Variants in DNAJC11 observed in about 807,000 individuals in gnomAD.
DNAJC11 encodes the protein DnaJ heat shock protein family (Hsp40) member C11.
Under a neutral mutation model 78.6 loss-of-function variants are expected in DNAJC11, and 15 were observed. The observed-to-expected ratio is 0.19, with a 90% CI of 0.13 to 0.29. The LOEUF is 0.29. Among genes scored for constraint, DNAJC11 ranks in the 10% least tolerant of loss-of-function variants. The probability of loss-of-function intolerance (pLI) is 1.00; values close to 1 mark genes in which losing one functional copy is unlikely to be tolerated. For synonymous variants in DNAJC11, 292 were observed against 272.1 expected (o/e 1.07, Z -0.72); for missense variants, 547 against 709.6 (o/e 0.77, Z 2.60).
At chr1:6,647,809 G>A (rs754139422) in intron 7 of DNAJC11, among the ~76,000 whole-genome samples, 10 of 152,036 alleles carry the variant, frequency 6.6e-5, no homozygotes, top group South Asian at 2.1e-4. Flanking sequence ...GCAAGACTCC[G>A]TCTCAAACAC....
intron 1 of DNAJC11, among the ~76,000 whole-genome samples, chr1:6,684,459 TTGAC>T (rs1206614679): frequency 4.6e-5 from 7 of 152,248 alleles, no homozygotes; most frequent in Admixed American, 2.0e-4. Context: ...ATTAGACAGA[TTGAC>T]TGACTCTCAG....
rs369080550 is a variant in DNAJC11, at chr1:6,635,760, A to G, written c.1655-60T>C. 4.4e-6 allele frequency: 7 copies of G among 1,597,202 alleles called. No homozygotes were observed. The African/African-American group carries it at 5.4e-5, about 12-fold the overall frequency. On this transcript the variant is annotated intron_variant, in intron 15 of 15. Transcript: ENST00000377577. ...GGTGGCCATTCCCATGCACCTTTCTACTGATGGGGCTCAGCAGTCACCCGG... is the reference window on the plus strand; with the variant it reads ...GGTGGCCATTCCCATGCACCTTTCTGCTGATGGGGCTCAGCAGTCACCCGG...
chr1:6,678,266 G>A (rs1403557532), intron 3 of DNAJC11, 128 bp downstream of exon 3: 3 of 1,011,318 alleles, frequency 3.0e-6, no homozygotes, highest in African/African-American at 1.6e-5. Flanking sequence ...AAAATACAGG[G>A]CAAGGAAGGG....
intron 1 of DNAJC11, among the ~76,000 whole-genome samples, chr1:6,689,774 CAAA>C (rs111794307): frequency 7.9e-6 from 1 of 125,802 alleles, no homozygotes; most frequent in Admixed American, 8.0e-5. Flanking sequence ...GAAACTCCGT[CAAA>C]AAAAAAAAAA....
At chr1:6,690,589 C>T (rs949854403) in intron 1 of DNAJC11, among the ~76,000 whole-genome samples, 2 of 152,186 alleles carry the variant, frequency 1.3e-5, no homozygotes, top group African/African-American at 4.8e-5. Flanking sequence ...TGCTTAAACA[C>T]GCAAGGGGTG....
intron 1 of DNAJC11, among the ~76,000 whole-genome samples, chr1:6,695,029 C>T (rs1283822246): frequency 2.7e-5 from 4 of 150,458 alleles, no homozygotes; most frequent in African/African-American, 9.8e-5. Flanking sequence ...GCCTGTAGTC[C>T]CGGCTACTCG....
At position 6,653,084 on chromosome 1, in the gene DNAJC11, G is replaced by A; in HGVS notation, c.508-133C>T. 1.9e-6 allele frequency: 2 copies of A among 1,028,176 alleles called. No homozygotes were observed. The highest frequency in any genetic ancestry group is 1.4e-6 in the Non-Finnish European group (1 of 697,056). 63.7% of individuals were successfully genotyped at this position (1,028,176 alleles called of 1,614,324 possible). Reference sequence around the variant, plus strand: ...CCTCTGTTCAGAAGCACACATGGATGCAGAACTGCCGCAACAGCTTCACTT... The same window carrying A: ...CCTCTGTTCAGAAGCACACATGGATACAGAACTGCCGCAACAGCTTCACTT... On this transcript the variant is annotated intron_variant, in intron 5 of 15. Coordinates refer to ENST00000377577, the MANE Select transcript of DNAJC11 (RefSeq NM_018198.4). This position sits in a 1 kb window ranked among gnomAD's most constrained non-coding sequence, Gnocchi z 4.5.
At position 6,679,100 on chromosome 1, in the gene DNAJC11, C is replaced by T. The variant is rs554633440; in HGVS notation, c.203-633G>A. On this transcript the variant is annotated intron_variant, in intron 2 of 15. Coordinates refer to ENST00000377577, the MANE Select transcript of DNAJC11 (RefSeq NM_018198.4). ...CTCCTGCATTGGGAAAGGACATGAA[C>T]GTTGTTTTTAAGATAATTTGGTAAA... is the stretch of plus-strand genomic sequence containing the variant. Among the ~76,000 whole-genome samples, 6 of 152,252 alleles carry T rather than the reference C, an allele frequency of 3.9e-5. No homozygotes were observed. In the South Asian group the frequency reaches 8.3e-4, roughly 21 times the overall value.
intron 3 of DNAJC11, among the ~76,000 whole-genome samples, chr1:6,669,829 A>C (rs1642350706): frequency 1.3e-5 from 2 of 152,192 alleles, no homozygotes; most frequent in African/African-American, 4.8e-5. Flanking sequence ...GGGCAGGGGT[A>C]TACGAAAGCA....
At position 6,677,670 on chromosome 1, in the gene DNAJC11, T is replaced by A. The variant is rs1310229348; in HGVS notation, c.276+724A>T. 2.0e-5 allele frequency among the ~76,000 whole-genome samples: 3 copies of A among 152,190 alleles called. No homozygotes were observed. The South Asian group carries it at 6.2e-4, about 31-fold the overall frequency. ...AGGGTTTCACAACTAATCTTCATAT[T>A]CATTTTTCAGATAGTAACATGGAAG... On this transcript the variant is annotated intron_variant, in intron 3 of 15. Coordinates refer to ENST00000377577, the MANE Select transcript of DNAJC11 (RefSeq NM_018198.4).
chr1:6,701,216 G>T (rs1642921171), intron 1 of DNAJC11, among the ~76,000 whole-genome samples: 1 of 152,166 alleles, frequency 6.6e-6, no homozygotes, highest in Non-Finnish European at 1.5e-5. Context: ...TCTGAGGCTG[G>T]ACCCACTTCA....
At chr1:6,644,047 T>G (rs945899282) in intron 10 of DNAJC11, among the ~76,000 whole-genome samples, 4 of 151,936 alleles carry the variant, frequency 2.6e-5, no homozygotes, top group Admixed American at 6.6e-5. Context: ...ATTTTTTGTA[T>G]TTTTAGTAGA....
At chr1:6,641,225 A>C (rs1641870046) in intron 10 of DNAJC11, among the ~76,000 whole-genome samples, 1 of 151,862 alleles carries the variant, frequency 6.6e-6, no homozygotes, top group Non-Finnish European at 1.5e-5. Context: ...GTCTCTACTT[A>C]AAATACAAAA....
At chr1:6,671,193 A>C (rs1369591362) in intron 3 of DNAJC11, among the ~76,000 whole-genome samples, 1 of 152,140 alleles carries the variant, frequency 6.6e-6, no homozygotes, top group African/African-American at 2.4e-5. Context: ...CTGGATAAAG[A>C]GATTTGATTT....
At chr1:6,646,081 A>C in intron 7 of DNAJC11, 103 bp from the exon 8 acceptor site, 5 of 1,197,032 alleles carry the variant, frequency 4.2e-6, no homozygotes, top group Middle Eastern at 2.1e-4. Flanking sequence ...TGTCACGTCT[A>C]TGCATCCCTG....
intron 7 of DNAJC11, among the ~76,000 whole-genome samples, chr1:6,647,018 G>A (rs1641975994): frequency 6.6e-6 from 1 of 150,564 alleles, no homozygotes; most frequent in Non-Finnish European, 1.5e-5. Flanking sequence ...TTAGCCAGGT[G>A]TAGCGGCACG....
At chr1:6,639,504 A>G (rs910563737) in intron 11 of DNAJC11, among the ~76,000 whole-genome samples, 5 of 150,868 alleles carry the variant, frequency 3.3e-5, no homozygotes, top group African/African-American at 7.3e-5. Context: ...TAATTTTTCT[A>G]TTTTTTTAGT....
intron 1 of DNAJC11, among the ~76,000 whole-genome samples, chr1:6,694,550 C>T (rs951772076): frequency 1.6e-4 from 24 of 152,108 alleles, no homozygotes; most frequent in African/African-American, 5.6e-4. Context: ...GCTTTGTATG[C>T]GCCTCACTCT....
chr1:6,637,813 A>G (rs1641806304), intron 12 of DNAJC11: 1 of 501,808 alleles, frequency 2.0e-6, no homozygotes, highest in South Asian at 2.4e-5. Flanking sequence ...CCCAATAAAA[A>G]AACAATGCGT....
Sources: gnomAD v4.1 joint callset for allele counts (sites outside exome capture counted in the v4.1 genomes callset) on GRCh38, gnomAD v4.1.1 for gene constraint, Gnocchi (gnomAD v3.1) non-coding constraint, MANE v1.5 for transcripts, NCBI Gene and HGNC (gene_info 2026-07-23, HGNC 2026-07-21) for gene names.